Variants in POLK observed in about 807,000 individuals in gnomAD.
POLK encodes DNA polymerase kappa.
POLK carries 76 observed loss-of-function variants against 94.0 expected under a neutral mutation model. The observed-to-expected ratio is 0.81, with a 90% CI of 0.67 to 0.98. POLK has a LOEUF of 0.98. POLK is among the 50% of genes least tolerant of loss of function. The probability of loss-of-function intolerance (pLI) is 0.00; values close to 1 mark genes in which losing one functional copy is unlikely to be tolerated. For synonymous variants in POLK, 349 were observed against 325.4 expected (o/e 1.07, Z -0.78); for missense variants, 954 against 1,010.1 (o/e 0.94, Z 0.75).
chr5:75,545,880 G>T (rs1177603313), intron 1 of POLK, among the ~76,000 whole-genome samples: 1 of 152,186 alleles, frequency 6.6e-6, no homozygotes, highest in Non-Finnish European at 1.5e-5. Context: ...CATGTTCTAA[G>T]AGTCAGGTTT....
chr5:75,597,966 A>T, exon 15 of POLK: 1 of 1,506,252 alleles, frequency 6.6e-7, no homozygotes, highest in Non-Finnish European at 9.0e-7. Context: ...TCAACATCAA[A>T]GAAAATAAAA....
chr5:75,535,351 T>C (rs1000774442), intron 1 of POLK, among the ~76,000 whole-genome samples: 3 of 152,190 alleles, frequency 2.0e-5, no homozygotes, highest in Non-Finnish European at 4.4e-5. Context: ...GCTCCCTTTG[T>C]AGGTGCCCTC....
At chr5:75,583,144 A>T in intron 7 of POLK, 149 bp from the exon 8 acceptor site, 1 of 522,546 alleles carries the variant, frequency 1.9e-6, no homozygotes, top group Non-Finnish European at 3.3e-6. Context: ...CCCTGGGGAG[A>T]TAGATGGTAA....
intron 2 of POLK, among the ~76,000 whole-genome samples, chr5:75,551,220 A>G (rs1172025241): frequency 6.6e-6 from 1 of 152,192 alleles, no homozygotes; most frequent in Non-Finnish European, 1.5e-5. Context: ...TCAATAAAAG[A>G]AAGTTGATTA....
chr5:75,545,574 A>G (rs1241994519), intron 1 of POLK, among the ~76,000 whole-genome samples: 2 of 152,236 alleles, frequency 1.3e-5, no homozygotes, highest in East Asian at 3.8e-4. Context: ...AATGTATGTG[A>G]AGATAAACTA....
chr5:75,520,013 G>C lies in POLK; in HGVS notation c.-14+8099G>C, dbSNP rs2112532017. 2.6e-5 allele frequency among the ~76,000 whole-genome samples: 4 copies of C among 152,008 alleles called. No individual in the cohort carries two copies. The Middle Eastern group carries it at 0.014, about 521-fold the overall frequency. On this transcript the variant is annotated intron_variant, in intron 1 of 14. Coordinates refer to ENST00000241436, the Ensembl canonical transcript of POLK. ...CTCTGATAGTATGTTTTAATTAATT[G>C]CTGTTTATTTTTAGTGTATCTATTA...
chr5:75,589,453 T>C (rs1447022320), intron 10 of POLK, among the ~76,000 whole-genome samples: 2 of 145,952 alleles, frequency 1.4e-5, no homozygotes, highest in Admixed American at 1.4e-4. Context: ...AATATTTCTT[T>C]TTTTTGTTTG....
chr5:75,561,003 A>T (rs1238113860), intron 3 of POLK, among the ~76,000 whole-genome samples: 1 of 152,214 alleles, frequency 6.6e-6, no homozygotes, highest in Non-Finnish European at 1.5e-5. Flanking sequence ...TAGTAGAATG[A>T]TTTATAATCT....
chr5:75,597,977 C>A lies in POLK; in HGVS notation c.2572C>A (p.Pro858Thr), dbSNP rs565736013. ...GTACTCAACATCAAAGAAAATAAAA[C>A]CAAACAATCCCAAACATACCCTTGA... Residue 858 changes from proline (P) to threonine (T), a missense_variant, in exon 15 of 15, where the codon CCA becomes ACA. Coordinates refer to ENST00000241436, the Ensembl canonical transcript of POLK. The A allele has an allele frequency of 1.3e-4, 184 of 1,461,406 alleles. 2 individuals are homozygous for A. In the South Asian group the frequency reaches 2.3e-3, roughly 19 times the overall value. The allele number at this position is 1,461,406 out of a possible 1,614,324, so 90.5% of individuals were successfully genotyped here.
intron 1 of POLK, among the ~76,000 whole-genome samples, chr5:75,537,846 TTTTTTA>T (rs1334825214): frequency 6.6e-6 from 1 of 152,050 alleles, no homozygotes; most frequent in African/African-American, 2.4e-5. Context: ...TTTTTTTTAT[TTTTTTA>T]TTTTTATTTA....
At chr5:75,600,617 C>T (rs1773275737) in exon 15 of POLK, 1 of 152,140 alleles carries the variant, frequency 6.6e-6, no homozygotes, top group African/African-American at 2.4e-5. Flanking sequence ...CATAGCAGCA[C>T]TGCAATATCC....
At chr5:75,586,709 C>T (rs563047664) in intron 9 of POLK, among the ~76,000 whole-genome samples, 4 of 152,212 alleles carry the variant, frequency 2.6e-5, no homozygotes, top group South Asian at 4.1e-4. Context: ...GAAGATATTA[C>T]GCTATCACTT....
chr5:75,585,963 C>A (rs1772450145), intron 9 of POLK, among the ~76,000 whole-genome samples: 2 of 152,052 alleles, frequency 1.3e-5, no homozygotes, highest in Non-Finnish European at 2.9e-5. Flanking sequence ...TCTTTTGAGT[C>A]CACAGTTAGC....
chr5:75,583,867 A>G (rs1275045971), intron 8 of POLK, among the ~76,000 whole-genome samples: 1 of 152,140 alleles, frequency 6.6e-6, no homozygotes, highest in Non-Finnish European at 1.5e-5. Context: ...GGGTTCCAGA[A>G]AGTGTATACT....
At chr5:75,558,999 C>T (rs968128718) in intron 3 of POLK, among the ~76,000 whole-genome samples, 1 of 152,162 alleles carries the variant, frequency 6.6e-6, no homozygotes, top group African/African-American at 2.4e-5. Context: ...TTGACTATTT[C>T]ATCAGAGGCT....
At chr5:75,580,271 T>A (rs1410801633) in intron 6 of POLK, among the ~76,000 whole-genome samples, 2 of 152,100 alleles carry the variant, frequency 1.3e-5, no homozygotes, top group African/African-American at 4.8e-5. Context: ...TGTAATAAAA[T>A]TACGAGATGG....
At chr5:75,594,140 C>A in intron 12 of POLK, 91 bp downstream of exon 12, 1 of 794,028 alleles carries the variant, frequency 1.3e-6, no homozygotes, top group Non-Finnish European at 2.0e-6. Flanking sequence ...CCCAACTTAA[C>A]AATGGTTCAA....
At chr5:75,583,493 T>G in intron 8 of POLK, 76 bp downstream of exon 8, 1 of 814,396 alleles carries the variant, frequency 1.2e-6, no homozygotes, top group Non-Finnish European at 1.8e-6. Context: ...CAATAGTTAA[T>G]CATTCTTTGC....
At chr5:75,576,853 C>T (rs1337072213) in exon 6 of POLK, 3 of 1,562,086 alleles carry the variant, frequency 1.9e-6, no homozygotes, top group Middle Eastern at 1.7e-4. Context: ...TTGAATATAA[C>T]AAAGCACTTA....
Sources: allele counts gnomAD v4.1 joint callset (sites outside exome capture counted in the v4.1 genomes callset), GRCh38; gene constraint gnomAD v4.1.1; transcripts MANE v1.5; gene names NCBI Gene and HGNC (gene_info 2026-07-23, HGNC 2026-07-21).